PARP1: variants seen among roughly 807,000 people sequenced by gnomAD.
PARP1 encodes poly(ADP-ribose) polymerase 1.
PARP1 carries 44 observed loss-of-function variants against 118.7 expected under a neutral mutation model. The ratio of observed to expected loss-of-function variants is 0.37; its 90% CI spans 0.29 to 0.48. The LOEUF (loss-of-function observed/expected upper bound fraction) is 0.48. Ranked by LOEUF, PARP1 falls within the 20% of genes least tolerant of loss-of-function variation. The pLI, the probability that PARP1 is intolerant of heterozygous loss-of-function variation, is 0.99. For synonymous variants in PARP1, 492 were observed against 483.2 expected, an observed-to-expected ratio of 1.02 and a Z score of -0.24; for missense variants, 1,100 against 1,272.4, an observed-to-expected ratio of 0.86 and a Z score of 2.06.
chr1:226,378,900 C>A (rs552593991), intron 12 of PARP1, among the ~76,000 whole-genome samples: 2 of 152,280 alleles, frequency 1.3e-5, no homozygotes. Context: ...GAAAAGCCAG[C>A]AGAAGAATAT....
chr1:226,390,342 T>C lies in PARP1; in HGVS notation c.617+68A>G. 1.5e-6 allele frequency: 2 copies of C among 1,343,284 alleles called. 1 individual carries two copies. The highest frequency in any genetic ancestry group is 2.1e-6 in the Non-Finnish European group (2 of 935,298). The allele number at this position is 1,343,284 out of a possible 1,614,324, so 83.2% of individuals were successfully genotyped here. On this transcript the variant is annotated intron_variant, in intron 4 of 22. Transcript: ENST00000366794. ...AAACAGAGGAGTGGTATGGAACCTG[T>C]AGGGCCTTTGGGCCTCCCTTGAACC... is the stretch of plus-strand genomic sequence containing the variant.
At chr1:226,379,784 C>G in intron 10 of PARP1, 138 bp downstream of exon 10, 4 of 1,436,798 alleles carry the variant, frequency 2.8e-6, no homozygotes. Context: ...CACCCCAAAG[C>G]GCCTGCCATT....
rs1188947962 is a variant in PARP1, at chr1:226,374,323, T to C, written c.1973A>G (p.Asn658Ser). The change falls in exon 14 of 23, where the codon AAT becomes AGT. Residue 658 changes from asparagine to serine, a missense_variant. Coordinates refer to ENST00000366794, the MANE Select transcript of PARP1 (RefSeq NM_001618.4). ...DEEAVKKLTVNPGTKSKLPKP... is the reference protein window; with the variant it reads ...DEEAVKKLTVSPGTKSKLPKP... ...GGGGAGCTTGGACTTGGTGCCAGGA[T>C]TTACTGTCAGCTTCTTCACTGCCTC... The C allele has an allele frequency of 6.2e-7, 1 of 1,614,160 alleles. No homozygotes were observed. The highest frequency in any genetic ancestry group is 1.1e-5 in the South Asian group (1 of 91,084).
In PARP1 at chr1:226,374,212, TA is replaced by T. The variant is rs761447332; in HGVS notation, c.2070+13del. 2 of 1,613,294 alleles carry T rather than the reference TA, an allele frequency of 1.2e-6. No individual in the cohort carries two copies. The highest frequency in any genetic ancestry group is 3.3e-5 in the Admixed American group (2 of 59,998). On this transcript the variant is annotated intron_variant, in intron 14 of 22. Coordinates refer to ENST00000366794, the MANE Select transcript of PARP1 (RefSeq NM_001618.4). ...CAGCAAATGCTCACAGATAAAATGA[TA>T]AAGCGCAATAACCTCATACTCCACC...
In PARP1 at chr1:226,377,265, A is replaced by C. The variant is rs1664510975; in HGVS notation, c.1784T>G (p.Val595Gly). 6.2e-7 allele frequency: 1 copy of C among 1,613,958 alleles called. No individual in the cohort carries two copies. Among genetic ancestry groups the C allele is most frequent in the African/African-American group, 1.3e-5 (1 of 74,990 alleles). Residue 595 changes from valine (V) to glycine (G), a missense_variant, in exon 13 of 23, where the codon GTG becomes GGG. Physicochemically the swap from Val to Gly is moderately radical, Grantham distance 109 (BLOSUM62 -3). Transcript: ENST00000366794. ...IFRSWGRVGT[V>G]IGSNKLEQMP... ...CTGTTCCAGTTTGTTGCTACCGATC[A>C]CCGTACCCACACGGCCCCAGGACCT...
At chr1:226,366,094 G>A (rs1664260980) in intron 17 of PARP1, 42 bp from the exon 18 acceptor site, 1 of 1,343,456 alleles carries the variant, frequency 7.4e-7, no homozygotes, top group Non-Finnish European at 1.1e-6. Flanking sequence ...AAGAGACCCA[G>A]GAGAGCTACA....
At chr1:226,406,008 T>C (rs957717068) in intron 1 of PARP1, among the ~76,000 whole-genome samples, 2 of 151,996 alleles carry the variant, frequency 1.3e-5, no homozygotes, top group African/African-American at 4.8e-5. Flanking sequence ...TATCAAAACA[T>C]TTGAAAGGTA....
intron 13 of PARP1, among the ~76,000 whole-genome samples, chr1:226,375,416 T>C (rs1015258505): frequency 6.6e-6 from 1 of 152,300 alleles, no homozygotes; most frequent in South Asian, 2.1e-4. Flanking sequence ...AGAATCAATC[T>C]AAATGACTAA....
chr1:226,397,499 C>T (rs1047296514), intron 2 of PARP1, among the ~76,000 whole-genome samples: 2 of 152,158 alleles, frequency 1.3e-5, no homozygotes, highest in Non-Finnish European at 2.9e-5. Context: ...GATCTGTGTC[C>T]CCACTAAATC....
In PARP1 at chr1:226,360,746, T is replaced by C. The variant is rs183554484; in HGVS notation, c.*714A>G. On this transcript the variant is annotated 3_prime_UTR_variant, in exon 23 of 23. Coordinates refer to ENST00000366794, the MANE Select transcript of PARP1 (RefSeq NM_001618.4). Reference sequence around the variant, plus strand: ...ATTACTATTAGCCCTTGGGTAAGTATATTTGTGGTAGAGTTTTAATTTGGA... The same window carrying C: ...ATTACTATTAGCCCTTGGGTAAGTACATTTGTGGTAGAGTTTTAATTTGGA... The C allele has an allele frequency of 4.4e-6, 1 of 228,220 alleles. No homozygotes were observed. The highest frequency in any genetic ancestry group is 5.7e-5 in the Admixed American group (1 of 17,600). The allele number at this position is 228,220 out of a possible 1,614,324, so 14.1% of individuals were successfully genotyped here. A position where few individuals can be genotyped will look rare whatever the true frequency, so the allele number is the denominator to read the frequency against.
chr1:226,371,793 A>G (rs990675654), intron 14 of PARP1, among the ~76,000 whole-genome samples: 2 of 152,246 alleles, frequency 1.3e-5, no homozygotes, highest in African/African-American at 2.4e-5. Flanking sequence ...TCCACGCTGT[A>G]TAATTCTGGT....
intron 13 of PARP1, among the ~76,000 whole-genome samples, chr1:226,376,235 C>G (rs1664484140): frequency 6.6e-6 from 1 of 152,068 alleles, no homozygotes; most frequent in Non-Finnish European, 1.5e-5. Context: ...TAAATGTTTT[C>G]TTTTATCTGA....
At chr1:226,407,469 G>C (rs1219427912) in intron 1 of PARP1, among the ~76,000 whole-genome samples, 1 of 151,802 alleles carries the variant, frequency 6.6e-6, no homozygotes, top group Non-Finnish European at 1.5e-5. Flanking sequence ...AGCTTAAAGA[G>C]ACCATGTACA....
At chr1:226,379,055 G>T (rs1664549783) in intron 12 of PARP1, 87 bp downstream of exon 12, 1 of 1,520,280 alleles carries the variant, frequency 6.6e-7, no homozygotes, top group Non-Finnish European at 9.1e-7. Flanking sequence ...TGGGCCTAAC[G>T]GGTTTCACAA....
intron 14 of PARP1, among the ~76,000 whole-genome samples, chr1:226,371,323 G>A (rs1664378540): frequency 6.6e-6 from 1 of 152,188 alleles, no homozygotes; most frequent in African/African-American, 2.4e-5. Context: ...CTCCCTGGGG[G>A]CCGTGACTGC....
Position 226,381,095 on chromosome 1 carries a change from T to C in PARP1, c.1273A>G (p.Lys425Glu), listed in dbSNP as rs142346536. The C allele has an allele frequency of 4.3e-6, 7 of 1,614,100 alleles. No homozygotes were observed. Among genetic ancestry groups the C allele is most frequent in the Admixed American group, 1.7e-5 (1 of 60,014 alleles). ...LGGKLTGTAN[K>E]ASLCISTKKE... ...TTGGTGCTGATGCACAGGGAAGCCT[T>C]GTTGGCCGTCCCCGTCAACTTCCCC... is the stretch of plus-strand genomic sequence containing the variant. The change falls in exon 9 of 23, where the codon AAG (lysine) becomes GAG (glutamate). Residue 425 changes from lysine (K) to glutamate (E), a missense_variant. This residue lies in a region of PARP1 where 948 missense variants were observed against 1,031.8 expected (regional missense o/e 0.92). Transcript: ENST00000366794.
chr1:226,368,047 T>C, intron 16 of PARP1, 152 bp downstream of exon 16: 2 of 1,043,384 alleles, frequency 1.9e-6, no homozygotes, highest in South Asian at 2.6e-5. Context: ...CCTCCATCAA[T>C]GTGGGTAGAA....
intron 17 of PARP1, 149 bp downstream of exon 17, chr1:226,367,331 C>A: frequency 1.1e-6 from 1 of 944,216 alleles, no homozygotes; most frequent in Non-Finnish European, 1.7e-6. Context: ...GCAGCAATGT[C>A]CGGGAACTTG....
chr1:226,406,227 A>T (rs1665144407), intron 1 of PARP1, among the ~76,000 whole-genome samples: 1 of 152,182 alleles, frequency 6.6e-6, no homozygotes, highest in African/African-American at 2.4e-5. Context: ...TACATTTATG[A>T]TTAGAGGAAA....
Sources: gnomAD v4.1 joint callset for allele counts (sites outside exome capture counted in the v4.1 genomes callset) on GRCh38, gnomAD v4.1.1 for gene constraint, gnomAD v4.1.1 regional missense constraint, MANE v1.5 for transcripts, NCBI Gene and HGNC (gene_info 2026-07-23, HGNC 2026-07-21) for gene names.